KIF1B: variants seen among roughly 807,000 people sequenced by gnomAD.
KIF1B encodes kinesin family member 1B, also known as kinesin-like protein KIF1B.
A neutral mutation model predicts 241.9 loss-of-function variants in KIF1B; 76 were observed. The observed-to-expected ratio is 0.31, with a 90% confidence interval of 0.26 to 0.38. KIF1B has a LOEUF of 0.38. KIF1B is among the 10% of genes least tolerant of loss of function. The pLI is 1.00. For synonymous variants in KIF1B, 750 were observed against 796.7 expected (o/e 0.94, Z 0.99); for missense variants, 1,622 against 2,271.4 (o/e 0.71, Z 5.81).
intron 41 of KIF1B, among the ~76,000 whole-genome samples, chr1:10,363,956 TGA>T (rs1638494960): frequency 6.6e-6 from 1 of 152,186 alleles, no homozygotes; most frequent in Non-Finnish European, 1.5e-5. Flanking sequence ...AAGAAGACTT[TGA>T]GTATGAATCC....
At chr1:10,283,399 T>A (rs1649530235) in intron 15 of KIF1B, among the ~76,000 whole-genome samples, 1 of 152,172 alleles carries the variant, frequency 6.6e-6, no homozygotes, top group South Asian at 2.1e-4. Flanking sequence ...GTGCTGCATG[T>A]ATGCAGATTA....
intron 44 of KIF1B, among the ~76,000 whole-genome samples, chr1:10,368,766 A>T (rs184860237): frequency 3.7e-4 from 57 of 152,332 alleles, no homozygotes; most frequent in Non-Finnish European, 6.9e-4. Flanking sequence ...TAGAGTGATT[A>T]TCAGATGGGA....
At chr1:10,254,374 C>T (rs1475697138) in intron 2 of KIF1B, among the ~76,000 whole-genome samples, 1 of 152,128 alleles carries the variant, frequency 6.6e-6, no homozygotes, top group East Asian at 1.9e-4. Context: ...CTACTTTATA[C>T]CAGGGTCTTT....
chr1:10,225,228 G>A (rs982544802), intron 1 of KIF1B, among the ~76,000 whole-genome samples: 5 of 152,168 alleles, frequency 3.3e-5, no homozygotes, highest in African/African-American at 4.8e-5. Flanking sequence ...GGACATGCCT[G>A]TAGTCCCAGC....
chr1:10,329,277 C>T (rs980787214), intron 27 of KIF1B, among the ~76,000 whole-genome samples: 3 of 152,146 alleles, frequency 2.0e-5, no homozygotes, highest in African/African-American at 7.2e-5. Context: ...TTGCCCTTGA[C>T]TACATTTCTC....
intron 22 of KIF1B, among the ~76,000 whole-genome samples, chr1:10,311,512 C>T (rs1455167219): frequency 1.3e-5 from 2 of 151,222 alleles, no homozygotes; most frequent in Non-Finnish European, 2.9e-5. Context: ...CGCTCCAGGC[C>T]CCATTTTTTC....
At chr1:10,248,509 C>G (rs1198000162) in intron 2 of KIF1B, among the ~76,000 whole-genome samples, 1 of 152,096 alleles carries the variant, frequency 6.6e-6, no homozygotes, top group African/African-American at 2.4e-5. Context: ...CTGACATAAT[C>G]TTTTGATGTA....
At chr1:10,257,889 C>T (rs897448808) in intron 3 of KIF1B, among the ~76,000 whole-genome samples, 7 of 152,128 alleles carry the variant, frequency 4.6e-5, no homozygotes, top group Non-Finnish European at 8.8e-5. Context: ...GTTGGCCAGG[C>T]TGGTCTCGAA....
At chr1:10,214,006 T>C (rs1047723252) in intron 1 of KIF1B, among the ~76,000 whole-genome samples, 3 of 150,402 alleles carry the variant, frequency 2.0e-5, no homozygotes. Flanking sequence ...GTGGGTGGTG[T>C]GTGTTTGTAG....
chr1:10,260,794 G>T (rs1322074719), intron 4 of KIF1B, among the ~76,000 whole-genome samples: 2 of 151,180 alleles, frequency 1.3e-5, no homozygotes, highest in Non-Finnish European at 2.9e-5. Context: ...TTGAACCCAG[G>T]AGACGGAGGT....
rs1651070122 is a variant in KIF1B at position 10,311,629 on chromosome 1, G to C, written c.2116-8414G>C. 4.6e-5 allele frequency among the ~76,000 whole-genome samples: 7 copies of C among 151,482 alleles called. No homozygotes were observed. The South Asian group carries it at 1.5e-3, about 31-fold the overall frequency. On this transcript the variant is annotated intron_variant, in intron 22 of 48. Coordinates refer to ENST00000676179, the MANE Select transcript of KIF1B (RefSeq NM_001365951.3). Reference sequence around the variant, plus strand: ...TATCAGAGTCACAAAAGCTCTTCTTGATGATAGATTCAGTGCATTTTCTCA... The same window carrying C: ...TATCAGAGTCACAAAAGCTCTTCTTCATGATAGATTCAGTGCATTTTCTCA...
intron 22 of KIF1B, among the ~76,000 whole-genome samples, chr1:10,310,924 A>G (rs1651039640): frequency 1.3e-5 from 2 of 151,468 alleles, no homozygotes; most frequent in African/African-American, 4.9e-5. Context: ...TGAGGAAAAA[A>G]AGCAATCAGA....
intron 2 of KIF1B, among the ~76,000 whole-genome samples, chr1:10,247,344 T>C (rs1647236370): frequency 6.6e-6 from 1 of 152,350 alleles, no homozygotes; most frequent in Admixed American, 6.5e-5. Context: ...TCCTCAGAGG[T>C]GGCAGCTTGT....
In KIF1B at chr1:10,332,163, C is replaced by A. The variant is rs1651968328; in HGVS notation, c.2925-2357C>A. Among the ~76,000 whole-genome samples the A allele has an allele frequency of 3.3e-5, 5 of 151,936 alleles. No homozygotes were observed. In the South Asian group the frequency reaches 1.0e-3, roughly 32 times the overall value. On this transcript the variant is annotated intron_variant, in intron 27 of 48. Transcript: ENST00000676179. ...CACTGCAACCTTCACCTCCTGGGTT[C>A]AAGCGATTCTCCTGCCTCGGCGCCC... is the stretch of plus-strand genomic sequence containing the variant.
rs746321077 is a variant in KIF1B at position 10,376,549 on chromosome 1, A to G, written c.5413A>G (p.Lys1805Glu). 3 of 1,614,048 alleles carry G rather than the reference A, an allele frequency of 1.9e-6. No homozygotes were observed. The Admixed American group carries it at 5.0e-5, about 27-fold the overall frequency. Residue 1805 changes from lysine to glutamate, a missense_variant, in exon 49 of 49, where the codon AAG (lysine) becomes GAG (glutamate). Lys to Glu is a moderately conservative substitution (Grantham distance 56, BLOSUM62 1). Transcript: ENST00000676179. ...CTCCCCGTTTGTCCCCCATAGGTCA[A>G]AGCTTTCCCGCAGATGCCCGAGCCA... is the stretch of plus-strand genomic sequence containing the variant. Reference protein sequence around the residue: ...NPLLAGTIRSKLSRRCPSQSK... With the variant: ...NPLLAGTIRSELSRRCPSQSK...
At chr1:10,324,571 A>G (rs1651652638) in intron 25 of KIF1B, among the ~76,000 whole-genome samples, 187 bp from the exon 26 acceptor site, 1 of 152,138 alleles carries the variant, frequency 6.6e-6, no homozygotes, top group Non-Finnish European at 1.5e-5. Context: ...CTCTAGAATC[A>G]AGACACTTTA....
At chr1:10,284,434 C>T (rs1649586763) in intron 15 of KIF1B, among the ~76,000 whole-genome samples, 1 of 152,098 alleles carries the variant, frequency 6.6e-6, no homozygotes, top group African/African-American at 2.4e-5. Context: ...GCCTGTAATC[C>T]CAGCACTTTG....
chr1:10,293,521 A>G (rs1650114703), intron 17 of KIF1B, among the ~76,000 whole-genome samples: 2 of 150,972 alleles, frequency 1.3e-5, no homozygotes, highest in South Asian at 4.2e-4. Flanking sequence ...TCAGCCTCCC[A>G]AGTAGCTGGA....
intron 5 of KIF1B, among the ~76,000 whole-genome samples, chr1:10,263,022 C>T (rs890302921): frequency 1.3e-5 from 2 of 152,132 alleles, no homozygotes; most frequent in Admixed American, 6.6e-5. Context: ...TGTTTTGGGG[C>T]TCATACCTGT....
Sources: allele counts gnomAD v4.1 joint callset (sites outside exome capture counted in the v4.1 genomes callset), GRCh38; gene constraint gnomAD v4.1.1; transcripts MANE v1.5; gene names NCBI Gene and HGNC (gene_info 2026-07-23, HGNC 2026-07-21).